FAR1: variants seen among roughly 807,000 people sequenced by gnomAD.
FAR1 encodes fatty acyl-CoA reductase 1, also known as male sterility domain-containing protein 2.
In FAR1, 22 loss-of-function variants were observed where a neutral mutation model predicts 61.1. The ratio of observed to expected loss-of-function variants is 0.36; its 90% CI spans 0.26 to 0.51. The LOEUF is 0.51. FAR1 is among the 20% of genes least tolerant of loss of function. The probability of loss-of-function intolerance (pLI) is 0.95; values close to 1 mark genes in which losing one functional copy is unlikely to be tolerated. For missense variants in FAR1, 359 were observed against 626.9 expected (o/e 0.57, Z 4.56); for synonymous variants, 206 against 209.7 (o/e 0.98, Z 0.15).
chr11:13,693,954 C>G (rs944007623), intron 1 of FAR1, among the ~76,000 whole-genome samples: 7 of 152,170 alleles, frequency 4.6e-5, no homozygotes, highest in Non-Finnish European at 1.0e-4. Context: ...TATTCTCTCT[C>G]TGGTTGTATT....
At chr11:13,682,754 G>A (rs931188940) in intron 1 of FAR1, among the ~76,000 whole-genome samples, 40 of 152,100 alleles carry the variant, frequency 2.6e-4, no homozygotes, top group African/African-American at 9.6e-4. Context: ...AATCACAGGT[G>A]TGCACCACTA....
intron 4 of FAR1, 101 bp downstream of exon 4, chr11:13,708,180 A>G (rs1351163068): frequency 1.2e-5 from 9 of 734,668 alleles, no homozygotes; most frequent in Non-Finnish European, 1.4e-5. Flanking sequence ...AGGCCAACAT[A>G]GTGAAACCCC....
chr11:13,729,465 A>G lies in FAR1; in HGVS notation c.*691A>G, dbSNP rs1848700626. 1.3e-5 allele frequency: 2 copies of G among 152,012 alleles called. No individual in the cohort carries two copies. The highest frequency in any genetic ancestry group is 2.9e-5 in the Non-Finnish European group (2 of 67,858). 9.4% of individuals were successfully genotyped at this position (152,012 alleles called of 1,614,324 possible). On this transcript the variant is annotated 3_prime_UTR_variant, in exon 12 of 12. Transcript: ENST00000354817. ...ATGGGTTTGAGAATCCATATCAGCA[A>G]CATACGTGTTTTTTGACAGAAAGTG...
intron 2 of FAR1, among the ~76,000 whole-genome samples, 156 bp from the exon 3 acceptor site, chr11:13,700,161 A>G (rs1487937398): frequency 1.3e-5 from 2 of 152,166 alleles, no homozygotes; most frequent in Non-Finnish European, 1.5e-5. Flanking sequence ...GGTGTTTTCT[A>G]TACAGAATAA....
intron 1 of FAR1, among the ~76,000 whole-genome samples, chr11:13,669,100 G>A (rs898291268): frequency 1.3e-5 from 2 of 152,160 alleles, no homozygotes; most frequent in Non-Finnish European, 2.9e-5. Context: ...CCTGGGGTGG[G>A]AGGCCGCTAG....
At chr11:13,698,537 A>G (rs1848333364) in intron 2 of FAR1, among the ~76,000 whole-genome samples, 1 of 152,160 alleles carries the variant, frequency 6.6e-6, no homozygotes, top group African/African-American at 2.4e-5. Flanking sequence ...TCTGCTTAAA[A>G]TCTGTCAATA....
chr11:13,722,874 ATAT>A (rs2134200287), intron 10 of FAR1, among the ~76,000 whole-genome samples: 1 of 150,918 alleles, frequency 6.6e-6, no homozygotes, highest in Non-Finnish European at 1.5e-5. Flanking sequence ...ATATATATAT[ATAT>A]AAAATATGTA....
Position 13,721,250 on chromosome 11 carries a change from C to T in FAR1, c.1128-480C>T. 6.6e-6 allele frequency: 1 copy of T among 152,006 alleles called. No individual in the cohort carries two copies. The highest frequency in any genetic ancestry group is 1.5e-5 in the Non-Finnish European group (1 of 68,052). 9.4% of individuals were successfully genotyped at this position (152,006 alleles called of 1,614,324 possible). On this transcript the variant is annotated intron_variant, in intron 9 of 11. Coordinates refer to ENST00000354817, the MANE Select transcript of FAR1 (RefSeq NM_032228.6). This position sits in a 1 kb window ranked among gnomAD's most constrained non-coding sequence, Gnocchi z 4.2. ...TTGACTATGTGGCAAACGAATATTT[C>T]TGTATTGTTTGCTTCAGCAGTGCTG...
intron 1 of FAR1, among the ~76,000 whole-genome samples, chr11:13,687,826 C>T (rs549136622): frequency 5.3e-5 from 8 of 151,682 alleles, no homozygotes; most frequent in African/African-American, 1.9e-4. Flanking sequence ...AGCTGGAAAC[C>T]ATCATTCTCA....
intron 1 of FAR1, among the ~76,000 whole-genome samples, chr11:13,684,479 A>G (rs1591256947): frequency 6.6e-6 from 1 of 152,184 alleles, no homozygotes; most frequent in Admixed American, 6.5e-5. Context: ...AAAATGCTAT[A>G]AGGTGGAGTT....
chr11:13,714,661 A>G lies in FAR1; in HGVS notation c.1108A>G (p.Met370Val). The part of the protein sequence containing the change: ...PAFLYDIYLR[M>V]TGRSPRMMKT... ...ATTCCTGTATGATATCTACCTCAGG[A>G]TGACTGGAAGAAGCCCAAGGTAATG... Residue 370 changes from methionine to valine, a missense_variant, in exon 9 of 12, where the codon ATG (methionine) becomes GTG (valine). Transcript: ENST00000354817. 6.2e-7 allele frequency: 1 copy of G among 1,610,344 alleles called. No individual in the cohort carries two copies. Among genetic ancestry groups the G allele is most frequent in the Non-Finnish European group, 8.5e-7 (1 of 1,178,524 alleles).
At chr11:13,724,334 T>C (rs887290631) in intron 10 of FAR1, among the ~76,000 whole-genome samples, 2 of 151,536 alleles carry the variant, frequency 1.3e-5, no homozygotes, top group Non-Finnish European at 2.9e-5. Context: ...TAACTTGAGC[T>C]CAGGAGTTCG....
At chr11:13,707,594 TA>T (rs1012841096) in intron 3 of FAR1, among the ~76,000 whole-genome samples, 2 of 152,224 alleles carry the variant, frequency 1.3e-5, no homozygotes, top group Non-Finnish European at 2.9e-5. Context: ...TAGCATGACT[TA>T]AAAATGTATG....
chr11:13,698,280 G>C (rs185509812), intron 2 of FAR1, among the ~76,000 whole-genome samples: 2 of 152,116 alleles, frequency 1.3e-5, no homozygotes, highest in Admixed American at 6.5e-5. Context: ...GGCAAGATCT[G>C]CTCTCTTGGA....
intron 2 of FAR1, among the ~76,000 whole-genome samples, chr11:13,695,906 ATTCT>A (rs1389582260): frequency 6.6e-6 from 1 of 152,164 alleles, no homozygotes; most frequent in African/African-American, 2.4e-5. Context: ...GGGATGTAAG[ATTCT>A]TTCTTAGAAG....
At chr11:13,704,755 G>C (rs963332128) in intron 3 of FAR1, among the ~76,000 whole-genome samples, 3 of 152,102 alleles carry the variant, frequency 2.0e-5, no homozygotes, top group Non-Finnish European at 4.4e-5. Flanking sequence ...GGCAGTAGTA[G>C]TGATAAGATC....
chr11:13,728,595 CTT>C lies in FAR1; in HGVS notation c.1386-16_1386-15del. ...CTAGAAAATACTGTCTAACATATCTCTTGATTTGCTTTCCAGGTTGCGGAATA... is the reference window on the plus strand; with the variant it reads ...CTAGAAAATACTGTCTAACATATCTCGATTTGCTTTCCAGGTTGCGGAATA... On this transcript the variant is annotated splice_polypyrimidine_tract_variant and intron_variant, in intron 11 of 11. Transcript: ENST00000354817. The C allele has an allele frequency of 6.2e-7, 1 of 1,606,130 alleles. No homozygotes were observed. Among genetic ancestry groups the C allele is most frequent in the Non-Finnish European group, 8.5e-7 (1 of 1,174,134 alleles).
intron 3 of FAR1, among the ~76,000 whole-genome samples, chr11:13,702,851 C>T (rs530695037): frequency 6.6e-6 from 1 of 152,328 alleles, no homozygotes; most frequent in African/African-American, 2.4e-5. Flanking sequence ...AAGTACAGCA[C>T]TTTCAGGGAA....
At chr11:13,722,877 T>TAA (rs1555066682) in intron 10 of FAR1, among the ~76,000 whole-genome samples, 1 of 148,312 alleles carries the variant, frequency 6.7e-6, no homozygotes. Context: ...TATATATATA[T>TAA]AAAATATGTA....
Sources: allele counts gnomAD v4.1 joint callset (sites outside exome capture counted in the v4.1 genomes callset), GRCh38; gene constraint gnomAD v4.1.1; non-coding constraint Gnocchi (gnomAD v3.1); transcripts MANE v1.5; gene names NCBI Gene and HGNC (gene_info 2026-07-23, HGNC 2026-07-21).